PLD3: variants seen among roughly 807,000 people sequenced by gnomAD.
PLD3 encodes the protein phospholipase D family member 3.
A neutral mutation model predicts 58.4 loss-of-function variants in PLD3; 31 were observed. The ratio of observed to expected loss-of-function variants is 0.53; its 90% CI spans 0.40 to 0.72. The LOEUF is 0.72. PLD3 is among the 30% of genes least tolerant of loss of function. The pLI is 0.00. For missense variants in PLD3, 595 were observed against 659.8 expected (o/e 0.90, Z 1.08); for synonymous variants, 264 against 273.4 (o/e 0.97, Z 0.34).
intron 9 of PLD3, among the ~76,000 whole-genome samples, chr19:40,374,061 C>T (rs56393444): frequency 0.013 from 2,006 of 151,504 alleles, 33 homozygotes; most frequent in African/African-American, 0.035. Context: ...ATCAGCTGGG[C>T]GGGCTTGTTA....
chr19:40,373,776 C>T (rs2079124455), intron 9 of PLD3, among the ~76,000 whole-genome samples: 3 of 152,024 alleles, frequency 2.0e-5, no homozygotes, highest in Non-Finnish European at 2.9e-5. Context: ...TGCCTGAGGT[C>T]AGGAGTTCGA....
intron 1 of PLD3, chr19:40,360,707 T>C (rs2078760943): frequency 6.6e-6 from 1 of 151,322 alleles, no homozygotes; most frequent in South Asian, 2.1e-4. Context: ...TCCTCACCTC[T>C]CCCAGCTTCT....
In PLD3 at chr19:40,374,486, G is replaced by T. The variant is rs532933176; in HGVS notation, c.885G>T (p.Ala295=). The T allele has an allele frequency of 2.2e-5, 35 of 1,614,050 alleles. No individual in the cohort carries two copies. The South Asian group carries it at 3.7e-4, about 17-fold the overall frequency. Residue 295 remains alanine, a synonymous_variant, in exon 10 of 13, where the codon GCG becomes GCT. Transcript: ENST00000409735. Reference sequence around the variant, plus strand: ...AACTGTCCCCTCGCCCTCAGAGTGCGCCCCCACCCCTGTGTCCAAGTGGCC... The same window carrying T: ...AACTGTCCCCTCGCCCTCAGAGTGCTCCCCCACCCCTGTGTCCAAGTGGCC... ...GTPALAYLAS[A]PPPLCPSGRT...
At chr19:40,368,157 G>C (rs1398566128) in intron 6 of PLD3, among the ~76,000 whole-genome samples, 1 of 152,124 alleles carries the variant, frequency 6.6e-6, no homozygotes, top group South Asian at 2.1e-4. Flanking sequence ...AAGCTGTCCT[G>C]ACCCAGTCAC....
intron 9 of PLD3, among the ~76,000 whole-genome samples, chr19:40,372,506 A>G (rs1211497360): frequency 1.3e-5 from 2 of 151,448 alleles, no homozygotes; most frequent in African/African-American, 4.9e-5. Context: ...AATTGTTTCA[A>G]GCCAGGCATG....
intron 8 of PLD3, among the ~76,000 whole-genome samples, chr19:40,371,135 A>G (rs1279149405): frequency 6.6e-6 from 1 of 152,248 alleles, no homozygotes; most frequent in African/African-American, 2.4e-5. Context: ...AGCTTGGGCA[A>G]TGAGGTGAAG....
chr19:40,376,543 A>G, intron 10 of PLD3, 66 bp from the exon 11 acceptor site: 1 of 1,509,884 alleles, frequency 6.6e-7, no homozygotes, highest in Non-Finnish European at 9.0e-7. Flanking sequence ...CCCAAAGCTG[A>G]GGGCAAAGCC....
rs754584126 is a variant in PLD3 at position 40,374,463 on chromosome 19, C to G, written c.880-18C>G. The G allele has an allele frequency of 4.3e-6, 7 of 1,613,412 alleles. No individual in the cohort carries two copies. The highest frequency in any genetic ancestry group is 5.1e-6 in the Non-Finnish European group (6 of 1,179,798). ...GACCCTGGCAGGGCACATGTCTTAA[C>G]TGTCCCCTCGCCCTCAGAGTGCGCC... On this transcript the variant is annotated intron_variant, in intron 9 of 12. Coordinates refer to ENST00000409735, the MANE Select transcript of PLD3 (RefSeq NM_012268.4).
intron 1 of PLD3, chr19:40,356,302 A>G (rs1187992562): frequency 6.6e-6 from 1 of 152,564 alleles, no homozygotes; most frequent in Non-Finnish European, 1.5e-5. Context: ...GAGACTGTGT[A>G]CTGAGGACAC....
intron 5 of PLD3, 169 bp from the exon 6 acceptor site, chr19:40,367,527 G>A: frequency 1.8e-6 from 1 of 571,008 alleles, no homozygotes; most frequent in Non-Finnish European, 3.1e-6. Context: ...GCTGCAGTGA[G>A]CTGAGATGGC....
Position 40,376,925 on chromosome 19 carries a change from C to T in PLD3, c.1185+151C>T, listed in dbSNP as rs2079220677. On this transcript the variant is annotated intron_variant, in intron 11 of 12. Coordinates refer to ENST00000409735, the MANE Select transcript of PLD3 (RefSeq NM_012268.4). Reference sequence around the variant, plus strand: ...ATGGGTCAGGGCCAGGGTCATGGGGCACAGGGAGAGGGGCCAGGACCGGGA... The same window carrying T: ...ATGGGTCAGGGCCAGGGTCATGGGGTACAGGGAGAGGGGCCAGGACCGGGA... The T allele has an allele frequency of 4.0e-6, 3 of 752,654 alleles. 1 individual carries two copies. In the South Asian group the frequency reaches 5.8e-5, roughly 15 times the overall value. 46.6% of individuals were successfully genotyped at this position (752,654 alleles called of 1,614,324 possible).
At chr19:40,371,919 GTCAC>G in intron 9 of PLD3, 46 bp downstream of exon 9, 1 of 1,452,166 alleles carries the variant, frequency 6.9e-7, no homozygotes, top group Non-Finnish European at 9.7e-7. Flanking sequence ...GCCCCATGCC[GTCAC>G]TCACAGCCTC....
chr19:40,366,888 G>C lies in PLD3; in HGVS notation c.218G>C (p.Arg73Pro). 9 of 1,612,092 alleles carry C rather than the reference G, an allele frequency of 5.6e-6. No homozygotes were observed. Among genetic ancestry groups the C allele is most frequent in the Non-Finnish European group, 6.8e-6 (8 of 1,178,946 alleles). The change falls in exon 5 of 13, where the codon CGC becomes CCC. Residue 73 changes from arginine (R) to proline (P), a missense_variant. By Grantham distance (103) the Arg-to-Pro change is moderately radical (BLOSUM62 -2). Coordinates refer to ENST00000409735, the MANE Select transcript of PLD3 (RefSeq NM_012268.4). ...GDLHLFGPNQ[R>P]PAPCYDPCEA... Reference sequence around the variant, plus strand: ...TTGCATCTCTTTGGGCCCAACCAGCGCCCAGCCCCCTGCTATGACCCTTGC... The same window carrying C: ...TTGCATCTCTTTGGGCCCAACCAGCCCCCAGCCCCCTGCTATGACCCTTGC...
At chr19:40,351,237 A>G (rs962819240) in intron 1 of PLD3, among the ~76,000 whole-genome samples, 1 of 127,250 alleles carries the variant, frequency 7.9e-6, no homozygotes, top group African/African-American at 2.5e-5. Flanking sequence ...TCTCAAAACA[A>G]AAAAACAAAA....
intron 10 of PLD3, 33 bp from the exon 11 acceptor site, chr19:40,376,576 A>G (rs746522438): frequency 1.3e-5 from 21 of 1,595,364 alleles, no homozygotes; most frequent in Non-Finnish European, 1.7e-5. Context: ...CGCCCTCTGC[A>G]TCCTGCCCCA....
rs1372865676 is a variant in PLD3 at position 40,374,569 on chromosome 19, A to G, written c.968A>G (p.Tyr323Cys). 19 of 1,614,110 alleles carry G rather than the reference A, an allele frequency of 1.2e-5. No individual in the cohort carries two copies. Among genetic ancestry groups the G allele is most frequent in the East Asian group, 2.2e-5 (1 of 44,882 alleles). The change falls in exon 10 of 13, where the codon TAC (tyrosine) becomes TGC (cysteine). Residue 323 changes from tyrosine (Y) to cysteine (C), a missense_variant. Coordinates refer to ENST00000409735, the MANE Select transcript of PLD3 (RefSeq NM_012268.4). ...NVVDNARSFI[Y>C]VAVMNYLPTL... ...GTGGACAATGCCCGGAGTTTCATCTACGTCGCTGTCATGAACTACCTGCCC... is the reference window on the plus strand; with the variant it reads ...GTGGACAATGCCCGGAGTTTCATCTGCGTCGCTGTCATGAACTACCTGCCC...
intron 11 of PLD3, among the ~76,000 whole-genome samples, chr19:40,377,468 A>T (rs2079262628): frequency 6.8e-6 from 1 of 146,276 alleles, no homozygotes; most frequent in African/African-American, 2.5e-5. Context: ...TGGGGTGGGG[A>T]TGCCCAGAGG....
intron 1 of PLD3, among the ~76,000 whole-genome samples, chr19:40,354,722 C>T (rs1037174565): frequency 1.3e-5 from 2 of 151,576 alleles, no homozygotes; most frequent in East Asian, 1.9e-4. Context: ...GACAGGGTTT[C>T]GCCATGTAGG....
chr19:40,375,649 CAA>C (rs59711528), intron 10 of PLD3, among the ~76,000 whole-genome samples: 11 of 96,206 alleles, frequency 1.1e-4, no homozygotes, highest in Admixed American at 4.6e-4. Context: ...GACACCTTCT[CAA>C]AAAAAAAAAA....
Sources: gnomAD v4.1 joint callset for allele counts (sites outside exome capture counted in the v4.1 genomes callset) on GRCh38, gnomAD v4.1.1 for gene constraint, MANE v1.5 for transcripts, NCBI Gene and HGNC (gene_info 2026-07-23, HGNC 2026-07-21) for gene names.